The following PDZD7 variants were observed in gnomAD, a reference collection of about 807,000 sequenced individuals.
PDZD7 encodes PDZ domain containing 7, also known as PDZ domain-containing protein 7.
A neutral mutation model predicts 84.7 loss-of-function variants in PDZD7; 72 were observed. That is an observed-to-expected ratio of 0.85 (90% CI 0.70 to 1.03). PDZD7 has a LOEUF of 1.03. Ranked by LOEUF, PDZD7 falls within the 50% of genes least tolerant of loss-of-function variation. The probability of loss-of-function intolerance (pLI) is 0.00; values close to 1 mark genes in which losing one functional copy is unlikely to be tolerated. For missense variants in PDZD7, 1,490 were observed against 1,412.9 expected (o/e 1.05, Z -0.87); for synonymous variants, 594 against 580.7 (o/e 1.02, Z -0.33).
chr10:101,009,970 G>T lies in PDZD7; in HGVS notation c.2617+302C>A, dbSNP rs547909531. On this transcript the variant is annotated intron_variant, in intron 15 of 16. Transcript: ENST00000619208. The stretch of plus-strand genomic sequence containing the variant: ...GTGGCGCAACCTCAGTTGGGCTCAC[G>T]GCAACCTCCGCCTCCTGGGTTCAAG... Among the ~76,000 whole-genome samples the T allele has an allele frequency of 7.9e-5, 12 of 151,508 alleles. No individual in the cohort carries two copies. In the East Asian group the frequency reaches 2.3e-3, roughly 30 times the overall value.
At position 101,016,407 on chromosome 10, in the gene PDZD7, G is replaced by A. The variant is rs979094623; in HGVS notation, c.1543C>T (p.Gln515Ter). The A allele has an allele frequency of 7.6e-5, 118 of 1,550,572 alleles. No individual in the cohort carries two copies. The highest frequency in any genetic ancestry group is 9.9e-5 in the Non-Finnish European group (114 of 1,147,030). The change falls in exon 10 of 17, where the codon CAG (glutamine) becomes TAG (stop). Residue 515 changes from glutamine (Q) to a stop codon, truncating the protein, a stop_gained. Coordinates refer to ENST00000619208, the MANE Select transcript of PDZD7 (RefSeq NM_001195263.2). LOFTEE classifies it high-confidence loss of function. ...IEKAGGVGPV[Q>*]KFVTWRLRRD... is the part of the protein sequence containing the mutation. ...CTCAGTCTCCAGGTGACAAACTTCT[G>A]TACCGGGCCCACGCCCCCTGCTATG...
intron 6 of PDZD7, 136 bp downstream of exon 6, chr10:101,021,662 G>C (rs945610187): frequency 1.5e-6 from 2 of 1,351,178 alleles, no homozygotes; most frequent in Non-Finnish European, 2.1e-6. Context: ...CTTCAAAACA[G>C]GGATGAGAAC....
chr10:101,023,895 A>C, intron 3 of PDZD7, 33 bp downstream of exon 3: 1 of 1,614,036 alleles, frequency 6.2e-7, no homozygotes, highest in East Asian at 2.2e-5. Flanking sequence ...GTCACATCCT[A>C]AGCGTGGACT....
At position 101,008,559 on chromosome 10, in the gene PDZD7, C is replaced by A. The variant is rs1852290647; in HGVS notation, c.3010G>T (p.Ala1004Ser). 1 of 1,535,554 alleles carries A rather than the reference C, an allele frequency of 6.5e-7. No individual in the cohort carries two copies. The highest frequency in any genetic ancestry group is 8.7e-7 in the Non-Finnish European group (1 of 1,146,788). ...CTGGGAGTTGGCTGGAGGAGCCTGG[C>A]ATCAGTGGGAGGAGTCTGGGGATTG... ...PTNPQTPPTD[A>S]RLLQPTPSPA... The change falls in exon 17 of 17, where the codon GCC becomes TCC. Residue 1004 changes from alanine (A) to serine (S), a missense_variant. Transcript: ENST00000619208.
In PDZD7 at chr10:101,018,187, C is replaced by T. The variant is rs1852815562; in HGVS notation, c.1434G>A (p.Gly478=). 1 of 1,614,138 alleles carries T rather than the reference C, an allele frequency of 6.2e-7. No individual in the cohort carries two copies. Among genetic ancestry groups the T allele is most frequent in the Non-Finnish European group, 8.5e-7 (1 of 1,180,056 alleles). Residue 478 remains glycine, a synonymous_variant, in exon 9 of 17, where the codon GGG becomes GGA. Coordinates refer to ENST00000619208, the MANE Select transcript of PDZD7 (RefSeq NM_001195263.2). ...MNLFFKGGRQ[G]RLARDGRREA... ...CTCTGCGCCCGTCCCGCGCTAGCCT[C>T]CCCTGCCGCCCTCCCTTGAAGAAGA... is the stretch of plus-strand genomic sequence containing the variant.
rs1215082654 is a variant in PDZD7 at position 101,023,539 on chromosome 10, C to T, written c.439G>A (p.Gly147Ser). Residue 147 changes from glycine (G) to serine (S), a missense_variant, in exon 4 of 17, where the codon GGT becomes AGT. By Grantham distance (56) the Gly-to-Ser change is moderately conservative (BLOSUM62 0). Transcript: ENST00000619208. Reference sequence around the variant, plus strand: ...CTGGTCAGCACCTTTACGGCGCTACCCATGGTGGTGCTCTCCAGGCTCAGC... The same window carrying T: ...CTGGTCAGCACCTTTACGGCGCTACTCATGGTGGTGCTCTCCAGGCTCAGC... ...NGLSLESTTMGSAVKVLTSSS... is the reference protein window; with the variant it reads ...NGLSLESTTMSSAVKVLTSSS... The T allele has an allele frequency of 6.2e-6, 10 of 1,614,090 alleles. No individual in the cohort carries two copies. Among genetic ancestry groups the T allele is most frequent in the Admixed American group, 5.0e-5 (3 of 60,020 alleles).
rs1852314021 is a variant in PDZD7, at chr10:101,009,265, G to C, written c.2703C>G (p.Leu901=). The C allele has an allele frequency of 6.5e-7, 1 of 1,535,884 alleles. No individual in the cohort carries two copies. Among genetic ancestry groups the C allele is most frequent in the South Asian group, 1.2e-5 (1 of 84,062 alleles). ...CTTCACCCACCTGCAGGGCCCCACT[G>C]AGGAAAGCGGCCCCCCCAGGGAAGA... ...EKIFPGGAAF[L]SGALQAGFEL... The change falls in exon 16 of 17, where the codon CTC becomes CTG. Residue 901 remains leucine, a synonymous_variant. Transcript: ENST00000619208.
chr10:101,020,557 C>G, intron 7 of PDZD7, 61 bp downstream of exon 7: 1 of 1,510,794 alleles, frequency 6.6e-7, no homozygotes, highest in Non-Finnish European at 9.2e-7. Context: ...TTCAGAGAGC[C>G]GGGCCCCACC....
chr10:101,023,891 T>A, intron 3 of PDZD7, 37 bp downstream of exon 3: 1 of 1,614,130 alleles, frequency 6.2e-7, no homozygotes, highest in Non-Finnish European at 8.5e-7. Flanking sequence ...TGGAGTCACA[T>A]CCTAAGCGTG....
At chr10:101,019,322 C>T in intron 7 of PDZD7, 105 bp from the exon 8 acceptor site, 1 of 1,437,324 alleles carries the variant, frequency 7.0e-7, no homozygotes, top group African/African-American at 1.4e-5. Context: ...GGTCAGGCAG[C>T]AGCCAGGGTT....
At chr10:101,020,836 G>A (rs867813139) in intron 6 of PDZD7, among the ~76,000 whole-genome samples, 158 bp from the exon 7 acceptor site, 1 of 152,184 alleles carries the variant, frequency 6.6e-6, no homozygotes, top group South Asian at 2.1e-4. Flanking sequence ...CTTTCTGAAC[G>A]TGCCAAGTTC....
In PDZD7 at chr10:101,011,909, G is replaced by GC. The variant is rs1057484420; in HGVS notation, c.1933+15dup. 9 of 1,549,554 alleles carry GC rather than the reference G, an allele frequency of 5.8e-6. No homozygotes were observed. The highest frequency in any genetic ancestry group is 3.6e-5 in the South Asian group (3 of 84,026). On this transcript the variant is annotated intron_variant, in intron 13 of 16. Coordinates refer to ENST00000619208, the MANE Select transcript of PDZD7 (RefSeq NM_001195263.2). ...GCAGGGCTCAGGACCCAGAAGCCCC[G>GC]CCCCCCACTGCTGACCTGCCCTGCT... is the stretch of plus-strand genomic sequence containing the variant.
rs370665631 is a variant in PDZD7 at position 101,012,119 on chromosome 10, C to G, written c.1841+48G>C. The G allele has an allele frequency of 7.1e-6, 11 of 1,541,772 alleles. No homozygotes were observed. The East Asian group carries it at 7.4e-5, about 10-fold the overall frequency. On this transcript the variant is annotated intron_variant, in intron 12 of 16. Transcript: ENST00000619208. ...GCCCTCGGGAGGTTGGGGGTGGTAC[C>G]AGGGATCCCCTTCCTGCCCCCAAGC... is the stretch of plus-strand genomic sequence containing the variant.
At position 101,010,483 on chromosome 10, in the gene PDZD7, G is replaced by A; in HGVS notation, c.2406C>T (p.Thr802=). The part of the protein sequence containing the change: ...PGRRSPSPVP[T]PAPSMTNGRY... Reference sequence around the variant, plus strand: ...GCCCATTGGTCATGCTGGGGGCAGGGGTAGGCACCGGGGATGGGGAGCGTC... The same window carrying A: ...GCCCATTGGTCATGCTGGGGGCAGGAGTAGGCACCGGGGATGGGGAGCGTC... The change falls in exon 15 of 17, where the codon ACC becomes ACT. Residue 802 remains threonine (T), a synonymous_variant. Transcript: ENST00000619208. 1 of 1,535,162 alleles carries A rather than the reference G, an allele frequency of 6.5e-7. No individual in the cohort carries two copies. Among genetic ancestry groups the A allele is most frequent in the Non-Finnish European group, 8.7e-7 (1 of 1,146,146 alleles).
intron 2 of PDZD7, 48 bp downstream of exon 2, chr10:101,029,946 T>TACCCCCCCCCCCCCCC: frequency 2.2e-6 from 3 of 1,355,684 alleles, no homozygotes; most frequent in East Asian, 2.4e-5. Flanking sequence ...CATTGTCCCC[T>TACCCCCCCCCCCCCCC]ACCCCCACCC....
At chr10:101,025,753 TGGCCAGG>T (rs1937652247) in intron 2 of PDZD7, among the ~76,000 whole-genome samples, 1 of 151,788 alleles carries the variant, frequency 6.6e-6, no homozygotes, top group African/African-American at 2.4e-5. Context: ...TTCACCGTGT[TGGCCAGG>T]ATTGTTTTGA....
At chr10:101,024,459 G>T (rs1425452047) in intron 2 of PDZD7, among the ~76,000 whole-genome samples, 3 of 129,908 alleles carry the variant, frequency 2.3e-5, no homozygotes, top group Admixed American at 2.1e-4. Context: ...GCCCAGACTG[G>T]CCCAAATCCC....
Position 101,018,956 on chromosome 10 carries a change from A to G in PDZD7, c.1190T>C (p.Ile397Thr). The G allele has an allele frequency of 1.3e-6, 2 of 1,598,006 alleles. No homozygotes were observed. Among genetic ancestry groups the G allele is most frequent in the Non-Finnish European group, 1.7e-6 (2 of 1,173,162 alleles). Residue 397 changes from isoleucine to threonine, a missense_variant, in exon 8 of 17, where the codon ATC becomes ACC. Coordinates refer to ENST00000619208, the MANE Select transcript of PDZD7 (RefSeq NM_001195263.2). ...RPTVILRDTA[I>T]RSDGPHPGRR... The stretch of plus-strand genomic sequence containing the variant: ...GCCGGGATGGGGGCCGTCCGAGCGG[A>G]TGGCGGTGTCCCTGAGGATGACTGT...
At chr10:101,030,666 A>G in intron 1 of PDZD7, 1 of 325,900 alleles carries the variant, frequency 3.1e-6, no homozygotes. Context: ...TGGAGTTGGG[A>G]TTACTGCGGG....
Sources: gnomAD v4.1 joint callset for allele counts (sites outside exome capture counted in the v4.1 genomes callset) on GRCh38, gnomAD v4.1.1 for gene constraint, MANE v1.5 for transcripts, NCBI Gene and HGNC (gene_info 2026-07-23, HGNC 2026-07-21) for gene names.